The following UBE2O variants were observed in gnomAD, a reference collection of about 807,000 sequenced individuals.
UBE2O encodes the protein ubiquitin conjugating enzyme E2 O.
In UBE2O, 15 loss-of-function variants were observed where a neutral mutation model predicts 125.8. The observed-to-expected ratio is 0.12, with a 90% confidence interval of 0.08 to 0.18. The LOEUF (loss-of-function observed/expected upper bound fraction) is 0.18. UBE2O is among the 10% of genes least tolerant of loss of function. The pLI, the probability that UBE2O is intolerant of heterozygous loss-of-function variation, is 1.00. For missense variants in UBE2O, 1,280 were observed against 1,723.6 expected (o/e 0.74, Z 4.56); for synonymous variants, 708 against 703.2 (o/e 1.01, Z -0.11).
intron 1 of UBE2O, among the ~76,000 whole-genome samples, chr17:76,426,153 ACAC>A (rs2072807091): frequency 6.6e-6 from 1 of 152,130 alleles, no homozygotes. Flanking sequence ...CAGATGCACA[ACAC>A]CACACTTGGC....
At chr17:76,418,967 C>G (rs1385562935) in intron 1 of UBE2O, among the ~76,000 whole-genome samples, 1 of 152,050 alleles carries the variant, frequency 6.6e-6, no homozygotes, top group Non-Finnish European at 1.5e-5. Flanking sequence ...TTAATGTTCC[C>G]TAGGTGAATC....
In UBE2O at chr17:76,397,946, C is replaced by A. The variant is rs1295567560; in HGVS notation, c.2026-58G>T. On this transcript the variant is annotated intron_variant, in intron 12 of 17. Transcript: ENST00000319380. ...CAGCTCAAGCTCCAGCTCCCCAGCCCCTCCTGTGCTCTGCAGTGACTGACA... is the reference window on the plus strand; with the variant it reads ...CAGCTCAAGCTCCAGCTCCCCAGCCACTCCTGTGCTCTGCAGTGACTGACA... The A allele has an allele frequency of 2.9e-5, 45 of 1,575,146 alleles. No homozygotes were observed. In the East Asian group the frequency reaches 9.2e-4, roughly 32 times the overall value.
At chr17:76,426,553 CTG>C (rs919966613) in intron 1 of UBE2O, among the ~76,000 whole-genome samples, 1 of 152,206 alleles carries the variant, frequency 6.6e-6, no homozygotes, top group Non-Finnish European at 1.5e-5. Flanking sequence ...TTTTTACCCT[CTG>C]TGAGTTTGAA....
Position 76,402,161 on chromosome 17 carries a change from G to A in UBE2O, c.687-34C>T, listed in dbSNP as rs757817683. 3.1e-6 allele frequency: 5 copies of A among 1,608,092 alleles called. No individual in the cohort carries two copies. The highest frequency in any genetic ancestry group is 1.7e-5 in the Admixed American group (1 of 59,054). On this transcript the variant is annotated intron_variant, in intron 4 of 17. Transcript: ENST00000319380. The surrounding 1 kb of genome is among the most constrained non-coding windows in gnomAD (Gnocchi z 5.4). ...GAGAACAGAGGTTTGGTCTCCACCA[G>A]GGGACACAGTGAGTACCAAAAAGTT...
chr17:76,427,443 ATCTCT>A (rs2072830030), intron 1 of UBE2O, among the ~76,000 whole-genome samples: 1 of 151,832 alleles, frequency 6.6e-6, no homozygotes, highest in Non-Finnish European at 1.5e-5. Flanking sequence ...TTCTATTATA[ATCTCT>A]TCTATTATTT....
chr17:76,435,417 T>TACACACACACACACACACACACAC (rs59781051), intron 1 of UBE2O, among the ~76,000 whole-genome samples: 2 of 96,428 alleles, frequency 2.1e-5, no homozygotes, highest in South Asian at 6.8e-4. Context: ...CACACACACA[T>TACACACACACACACACACACACAC]ACACACACAC....
At chr17:76,412,514 G>A (rs2072533785) in intron 1 of UBE2O, among the ~76,000 whole-genome samples, 1 of 151,986 alleles carries the variant, frequency 6.6e-6, no homozygotes, top group Non-Finnish European at 1.5e-5. Flanking sequence ...AATTGTGCTG[G>A]GGACCTCAGG....
Position 76,390,056 on chromosome 17 carries a change from G to C in UBE2O, c.*887C>G, listed in dbSNP as rs965541006. 2.0e-5 allele frequency: 3 copies of C among 152,544 alleles called. No individual in the cohort carries two copies. The highest frequency in any genetic ancestry group is 7.2e-5 in the African/African-American group (3 of 41,452). 9.4% of individuals were successfully genotyped at this position (152,544 alleles called of 1,614,324 possible). On this transcript the variant is annotated 3_prime_UTR_variant, in exon 18 of 18. Coordinates refer to ENST00000319380, the MANE Select transcript of UBE2O (RefSeq NM_022066.4). ...TTTGTAAGCGAAGGGCTGACAGTAG[G>C]CCTTCTAGTCCAAGAGAGGGCTGGC... is the stretch of plus-strand genomic sequence containing the variant.
At chr17:76,441,791 A>C (rs2073078317) in intron 1 of UBE2O, among the ~76,000 whole-genome samples, 1 of 152,112 alleles carries the variant, frequency 6.6e-6, no homozygotes, top group Admixed American at 6.5e-5. Context: ...CTCCCCCTCC[A>C]CTGATAAACA....
chr17:76,414,612 C>T (rs74513803), intron 1 of UBE2O, among the ~76,000 whole-genome samples: 184 of 152,330 alleles, frequency 1.2e-3, no homozygotes, highest in Admixed American at 1.9e-3. Context: ...GCTGCATCAC[C>T]GCCTGGAAAC....
At position 76,395,341 on chromosome 17, in the gene UBE2O, G is replaced by GTGTAGATCTC; in HGVS notation, c.2946+383_2946+384insGAGATCTACA. On this transcript the variant is annotated intron_variant, in intron 15 of 17. Coordinates refer to ENST00000319380, the MANE Select transcript of UBE2O (RefSeq NM_022066.4). This position sits in a 1 kb window ranked among gnomAD's most constrained non-coding sequence, Gnocchi z 5.0. The stretch of plus-strand genomic sequence containing the variant: ...GGACTACAGGCGCCCGCATGGTGGC[G>GTGTAGATCTC]GGAGAGTTTTTTGTAATTTTTTTTT... The GTGTAGATCTC allele has an allele frequency of 6.4e-6, 1 of 156,828 alleles. No individual in the cohort carries two copies. The highest frequency in any genetic ancestry group is 1.4e-5 in the Non-Finnish European group (1 of 71,338). 9.7% of individuals were successfully genotyped at this position (156,828 alleles called of 1,614,324 possible).
At position 76,395,548 on chromosome 17, in the gene UBE2O, C is replaced by T. The variant is rs985991005; in HGVS notation, c.2946+177G>A. 11 of 677,144 alleles carry T rather than the reference C, an allele frequency of 1.6e-5. No homozygotes were observed. Among genetic ancestry groups the T allele is most frequent in the Non-Finnish European group, 2.2e-5 (9 of 406,786 alleles). 41.9% of individuals were successfully genotyped at this position (677,144 alleles called of 1,614,324 possible). A position where few individuals can be genotyped will look rare whatever the true frequency, so the allele number is the denominator to read the frequency against. On this transcript the variant is annotated intron_variant, in intron 15 of 17. Transcript: ENST00000319380. The surrounding 1 kb of genome is among the most constrained non-coding windows in gnomAD (Gnocchi z 5.0). ...GAAAGAACCATCTGGCCTGGACACA[C>T]GGCTGAGTCAGCCCTCACCTGACTG...
chr17:76,395,802 T>G lies in UBE2O; in HGVS notation c.2869A>C (p.Thr957Pro). The G allele has an allele frequency of 6.2e-7, 1 of 1,614,262 alleles. No homozygotes were observed. Among genetic ancestry groups the G allele is most frequent in the Non-Finnish European group, 8.5e-7 (1 of 1,180,048 alleles). Residue 957 changes from threonine to proline, a missense_variant, in exon 15 of 18, where the codon ACA becomes CCA. Physicochemically the swap from Thr to Pro is conservative, Grantham distance 38. Transcript: ENST00000319380. The surrounding 1 kb of genome is among the most constrained non-coding windows in gnomAD (Gnocchi z 5.0). ...QPPEAKKFFSTVRKEMALLAT... is the reference protein window; with the variant it reads ...QPPEAKKFFSPVRKEMALLAT... ...AGCAGCGCCATCTCCTTCCGCACTGTGCTGAAGAACTTCTTGGCTTCTGGA... is the reference window on the plus strand; with the variant it reads ...AGCAGCGCCATCTCCTTCCGCACTGGGCTGAAGAACTTCTTGGCTTCTGGA...
At chr17:76,419,092 T>A (rs187572069) in intron 1 of UBE2O, among the ~76,000 whole-genome samples, 1 of 150,936 alleles carries the variant, frequency 6.6e-6, no homozygotes, top group African/African-American at 2.4e-5. Context: ...AGAACCAGCC[T>A]GGGCAACCTA....
chr17:76,442,864 C>T (rs1241892158), intron 1 of UBE2O, among the ~76,000 whole-genome samples: 1 of 152,096 alleles, frequency 6.6e-6, no homozygotes, highest in East Asian at 1.9e-4. Context: ...GAAGGCTACA[C>T]AGTGCAGGCA....
rs1190444920 is a variant in UBE2O, at chr17:76,390,147, G to A, written c.*796C>T. On this transcript the variant is annotated 3_prime_UTR_variant, in exon 18 of 18. Transcript: ENST00000319380. Reference sequence around the variant, plus strand: ...ACCATGTGATGGGGGAGGGGCCCTAGCACTTGCCCTGGCCTTGTGCAGCTG... The same window carrying A: ...ACCATGTGATGGGGGAGGGGCCCTAACACTTGCCCTGGCCTTGTGCAGCTG... 2 of 152,660 alleles carry A rather than the reference G, an allele frequency of 1.3e-5. No individual in the cohort carries two copies. Among genetic ancestry groups the A allele is most frequent in the Admixed American group, 1.3e-4 (2 of 15,280 alleles). 9.5% of individuals were successfully genotyped at this position (152,660 alleles called of 1,614,324 possible).
At position 76,396,894 on chromosome 17, in the gene UBE2O, G is replaced by A; in HGVS notation, c.2116-73C>T. 7.3e-7 allele frequency: 1 copy of A among 1,367,718 alleles called. No homozygotes were observed. Among genetic ancestry groups the A allele is most frequent in the Non-Finnish European group, 1.0e-6 (1 of 1,004,082 alleles). The allele number at this position is 1,367,718 out of a possible 1,614,324, so 84.7% of individuals were successfully genotyped here. ...CCCCACCACTAAGGAGGAGCTCTGG[G>A]GATCCCTGATCCGCACAGCTGATGG... On this transcript the variant is annotated intron_variant, in intron 13 of 17. Coordinates refer to ENST00000319380, the MANE Select transcript of UBE2O (RefSeq NM_022066.4). This position sits in a 1 kb window ranked among gnomAD's most constrained non-coding sequence, Gnocchi z 6.7.
At chr17:76,426,888 A>G (rs944186430) in intron 1 of UBE2O, among the ~76,000 whole-genome samples, 1 of 146,738 alleles carries the variant, frequency 6.8e-6, no homozygotes, top group Non-Finnish European at 1.5e-5. Flanking sequence ...CCCGAAGTAC[A>G]GCGAAGGTCT....
chr17:76,424,445 G>A (rs1173574807), intron 1 of UBE2O, among the ~76,000 whole-genome samples: 2 of 151,534 alleles, frequency 1.3e-5, no homozygotes, highest in Admixed American at 6.6e-5. Context: ...CTGACCTCAC[G>A]TGATTCGCCC....
Sources: allele counts gnomAD v4.1 joint callset (sites outside exome capture counted in the v4.1 genomes callset), GRCh38; gene constraint gnomAD v4.1.1; non-coding constraint Gnocchi (gnomAD v3.1); transcripts MANE v1.5; gene names NCBI Gene and HGNC (gene_info 2026-07-23, HGNC 2026-07-21).